CD247: variants seen among roughly 807,000 people sequenced by gnomAD.
CD247 encodes T-cell surface glycoprotein CD3 zeta chain.
Under a neutral mutation model 30.0 loss-of-function variants are expected in CD247, and 13 were observed. The ratio of observed to expected loss-of-function variants is 0.43; its 90% CI spans 0.28 to 0.69. CD247 has a LOEUF of 0.69. Among genes scored for constraint, CD247 ranks in the 30% least tolerant of loss-of-function variants. The pLI is 0.16. For synonymous variants in CD247, 72 were observed against 80.0 expected (o/e 0.90, Z 0.53); for missense variants, 193 against 212.6 (o/e 0.91, Z 0.57).
At chr1:167,513,102 T>C (rs1178703731) in intron 1 of CD247, among the ~76,000 whole-genome samples, 1 of 152,098 alleles carries the variant, frequency 6.6e-6, no homozygotes, top group African/African-American at 2.4e-5. Flanking sequence ...TCAGAAATAG[T>C]CCAAATGTAC....
chr1:167,511,091 A>G (rs1655368638), intron 1 of CD247, among the ~76,000 whole-genome samples: 1 of 152,196 alleles, frequency 6.6e-6, no homozygotes, highest in Non-Finnish European at 1.5e-5. Context: ...CTAAAATATG[A>G]CGTAAATAAT....
chr1:167,517,591 T>A (rs1014321174), intron 1 of CD247, among the ~76,000 whole-genome samples: 4 of 152,196 alleles, frequency 2.6e-5, no homozygotes, highest in African/African-American at 9.6e-5. Flanking sequence ...AGCACTCTTG[T>A]TGGCTGGGCG....
chr1:167,497,707 G>A (rs761733267), intron 1 of CD247, among the ~76,000 whole-genome samples: 4 of 152,154 alleles, frequency 2.6e-5, no homozygotes, highest in African/African-American at 9.7e-5. Flanking sequence ...AGCTAGAACC[G>A]CAAACTCTCC....
intron 1 of CD247, among the ~76,000 whole-genome samples, chr1:167,488,049 A>G (rs932874866): frequency 6.6e-6 from 1 of 152,156 alleles, no homozygotes; most frequent in South Asian, 2.1e-4. Context: ...CCACAATACT[A>G]CTTTCTAGCT....
chr1:167,518,272 C>T, intron 1 of CD247, 136 bp downstream of exon 1: 1 of 818,216 alleles, frequency 1.2e-6, no homozygotes, highest in Non-Finnish European at 2.1e-6. Context: ...TCACTGCTCA[C>T]TTGCCCATTG....
chr1:167,469,058 C>T (rs1270796658), intron 1 of CD247, among the ~76,000 whole-genome samples: 1 of 152,170 alleles, frequency 6.6e-6, no homozygotes, highest in Non-Finnish European at 1.5e-5. Flanking sequence ...TCTCAGCTCT[C>T]TGCAACCTCC....
chr1:167,518,070 G>T (rs890276763), intron 1 of CD247, among the ~76,000 whole-genome samples: 2 of 152,192 alleles, frequency 1.3e-5, no homozygotes, highest in Non-Finnish European at 2.9e-5. Context: ...ATCCTGTCCA[G>T]CTTCTGTGAA....
chr1:167,502,938 G>A (rs572778713), intron 1 of CD247, among the ~76,000 whole-genome samples: 150 of 152,300 alleles, frequency 9.8e-4, no homozygotes, highest in African/African-American at 3.3e-3. Flanking sequence ...TTAGCCTTCC[G>A]AACTGTGAGC....
At position 167,438,469 on chromosome 1, in the gene CD247, T is replaced by C. The variant is rs1361189742; in HGVS notation, c.300+101A>G. 6.6e-6 allele frequency: 6 copies of C among 913,062 alleles called. No homozygotes were observed. The East Asian group carries it at 1.4e-4, about 22-fold the overall frequency. 56.6% of individuals were successfully genotyped at this position (913,062 alleles called of 1,614,324 possible). ...TGTCCTGGGCCCACACATGTGAGGGTCGAGTCTGGTTGCAGAGTGAGCTGA... is the reference window on the plus strand; with the variant it reads ...TGTCCTGGGCCCACACATGTGAGGGCCGAGTCTGGTTGCAGAGTGAGCTGA... On this transcript the variant is annotated intron_variant, in intron 4 of 7. Transcript: ENST00000362089.
At chr1:167,452,833 G>T (rs1652419899) in intron 1 of CD247, among the ~76,000 whole-genome samples, 1 of 151,784 alleles carries the variant, frequency 6.6e-6, no homozygotes, top group Non-Finnish European at 1.5e-5. Flanking sequence ...CAGTGGACAA[G>T]TCTCTCAGGT....
At chr1:167,495,114 A>G (rs1288429005) in intron 1 of CD247, among the ~76,000 whole-genome samples, 1 of 152,244 alleles carries the variant, frequency 6.6e-6, no homozygotes, top group Non-Finnish European at 1.5e-5. Context: ...CAGCGTAAGA[A>G]AAAGTTTCCA....
chr1:167,505,374 T>C (rs911959887), intron 1 of CD247, among the ~76,000 whole-genome samples: 2 of 152,246 alleles, frequency 1.3e-5, no homozygotes, highest in African/African-American at 4.8e-5. Context: ...CTCATTAAAC[T>C]TTTACTGAAC....
chr1:167,516,783 T>C (rs1352627822), intron 1 of CD247, among the ~76,000 whole-genome samples: 18 of 152,090 alleles, frequency 1.2e-4, no homozygotes, highest in Admixed American at 1.2e-3. Context: ...TGCCCCCTAT[T>C]TGTGGAAATG....
chr1:167,460,384 C>G (rs1652937462), intron 1 of CD247, among the ~76,000 whole-genome samples: 1 of 151,972 alleles, frequency 6.6e-6, no homozygotes, highest in South Asian at 2.1e-4. Context: ...GCCTGAGTGA[C>G]AGAGTGAGAC....
intron 1 of CD247, among the ~76,000 whole-genome samples, chr1:167,469,362 C>T (rs1040140704): frequency 6.6e-6 from 1 of 152,162 alleles, no homozygotes; most frequent in African/African-American, 2.4e-5. Context: ...AAGGAGTTGT[C>T]TTGGAAGATG....
chr1:167,517,910 T>A (rs570739383), intron 1 of CD247, among the ~76,000 whole-genome samples: 17 of 152,286 alleles, frequency 1.1e-4, no homozygotes, highest in African/African-American at 4.1e-4. Context: ...TTGGAGTGTT[T>A]CAGGCCATGA....
intron 1 of CD247, among the ~76,000 whole-genome samples, chr1:167,515,993 C>T (rs967573307): frequency 2.0e-5 from 3 of 152,208 alleles, no homozygotes; most frequent in Non-Finnish European, 4.4e-5. Context: ...AACTGAGGCC[C>T]AGAGAGGTTA....
intron 1 of CD247, among the ~76,000 whole-genome samples, chr1:167,490,076 T>C (rs1189357716): frequency 1.3e-5 from 2 of 151,934 alleles, no homozygotes; most frequent in Non-Finnish European, 2.9e-5. Flanking sequence ...CTCATCTTTG[T>C]GTCCTTGCTA....
chr1:167,486,156 T>C (rs1294248455), intron 1 of CD247, among the ~76,000 whole-genome samples: 1 of 152,136 alleles, frequency 6.6e-6, no homozygotes, highest in Non-Finnish European at 1.5e-5. Context: ...CATGGAAAAG[T>C]GAGTGGAAAG....
Sources: allele counts gnomAD v4.1 joint callset (sites outside exome capture counted in the v4.1 genomes callset), GRCh38; gene constraint gnomAD v4.1.1; transcripts MANE v1.5; gene names NCBI Gene and HGNC (gene_info 2026-07-23, HGNC 2026-07-21).